WDR19: variants seen among roughly 807,000 people sequenced by gnomAD.
The protein encoded by WDR19 is WD repeat-containing protein 19.
WDR19 carries 121 observed loss-of-function variants against 180.0 expected under a neutral mutation model. The observed-to-expected ratio is 0.67, with a 90% confidence interval of 0.58 to 0.78. WDR19 has a LOEUF of 0.78. Among genes scored for constraint, WDR19 ranks in the 30% least tolerant of loss-of-function variants. The probability of loss-of-function intolerance (pLI) is 0.00; values close to 1 mark genes in which losing one functional copy is unlikely to be tolerated. For missense variants in WDR19, 1,450 were observed against 1,640.7 expected, an observed-to-expected ratio of 0.88 and a Z score of 2.01; for synonymous variants, 497 against 540.7, an observed-to-expected ratio of 0.92 and a Z score of 1.12.
chr4:39,195,387 C>CAAAAAAAAAA (rs11372483), intron 5 of WDR19, among the ~76,000 whole-genome samples: 55 of 141,846 alleles, frequency 3.9e-4, no homozygotes, highest in South Asian at 1.1e-3. Context: ...AACAAAAAAA[C>CAAAAAAAAAA]AAACAAACAA....
chr4:39,250,979 G>T (rs2109429431), intron 24 of WDR19, among the ~76,000 whole-genome samples: 1 of 152,246 alleles, frequency 6.6e-6, no homozygotes, highest in Middle Eastern at 3.4e-3. Flanking sequence ...AGCTACCAAT[G>T]ACTTTCTTCA....
intron 9 of WDR19, among the ~76,000 whole-genome samples, chr4:39,206,337 A>G (rs1478439784): frequency 6.6e-6 from 1 of 152,160 alleles, no homozygotes; most frequent in Non-Finnish European, 1.5e-5. Flanking sequence ...CAGTCTCCCC[A>G]TGGCAGTGGC....
chr4:39,255,286 C>T (rs764478176), intron 26 of WDR19, among the ~76,000 whole-genome samples: 1 of 152,182 alleles, frequency 6.6e-6, no homozygotes, highest in Non-Finnish European at 1.5e-5. Context: ...CTTTTCCCCA[C>T]TTTGCTTTAT....
rs1330435692 is a variant in WDR19, at chr4:39,278,536, C to T, written c.3918-3C>T. The stretch of plus-strand genomic sequence containing the variant: ...TTACTCTGCCTTTCCCTCCCCTAAA[C>T]AGCATGCTAAACACTGAAAGCACAT... On this transcript the variant is annotated splice_region_variant and splice_polypyrimidine_tract_variant and intron_variant, in intron 35 of 36. Coordinates refer to ENST00000399820, the MANE Select transcript of WDR19 (RefSeq NM_025132.4). 6.2e-7 allele frequency: 1 copy of T among 1,607,656 alleles called. No homozygotes were observed. Among genetic ancestry groups the T allele is most frequent in the South Asian group, 1.1e-5 (1 of 90,184 alleles).
chr4:39,253,302 T>C lies in WDR19; in HGVS notation c.2876+10T>C, dbSNP rs773692164. ...CCAAAATGGTAGCCAGGTAACATAA[T>C]ACATTAATATTTTTGGACTTTCAAA... On this transcript the variant is annotated intron_variant, in intron 25 of 36. Coordinates refer to ENST00000399820, the MANE Select transcript of WDR19 (RefSeq NM_025132.4). 2.4e-5 allele frequency: 38 copies of C among 1,603,450 alleles called. 1 individual carries two copies. The South Asian group carries it at 2.7e-4, about 12-fold the overall frequency.
intron 13 of WDR19, 109 bp from the exon 14 acceptor site, chr4:39,217,874 C>T (rs1729231862): frequency 7.1e-7 from 1 of 1,401,300 alleles, no homozygotes; most frequent in South Asian, 1.4e-5. Context: ...CTCTCGTAGT[C>T]TTGGGAGCCT....
intron 9 of WDR19, among the ~76,000 whole-genome samples, chr4:39,212,190 C>T (rs1728615769): frequency 6.6e-6 from 1 of 152,078 alleles, no homozygotes. Flanking sequence ...CAAATATGCA[C>T]AGTTGGTTTT....
intron 17 of WDR19, among the ~76,000 whole-genome samples, chr4:39,229,740 C>T (rs990158555): frequency 6.6e-6 from 1 of 152,116 alleles, no homozygotes; most frequent in African/African-American, 2.4e-5. Context: ...CCATATGAAG[C>T]TGACTCTAAA....
intron 1 of WDR19, among the ~76,000 whole-genome samples, chr4:39,184,689 A>G (rs1725330741): frequency 6.6e-6 from 1 of 152,142 alleles, no homozygotes; most frequent in Non-Finnish European, 1.5e-5. Flanking sequence ...GCGGTGTTTA[A>G]TTTTGAGCAT....
chr4:39,256,930 A>G (rs1022429046), intron 27 of WDR19, among the ~76,000 whole-genome samples: 1 of 152,038 alleles, frequency 6.6e-6, no homozygotes, highest in African/African-American at 2.4e-5. Context: ...CAGAGCACCT[A>G]TTAAAAAAAA....
chr4:39,195,316 G>A (rs1475172080), intron 5 of WDR19, among the ~76,000 whole-genome samples: 1 of 147,102 alleles, frequency 6.8e-6, no homozygotes, highest in Non-Finnish European at 1.5e-5. Flanking sequence ...GCAGTGAGCA[G>A]AGATCGCGCC....
intron 24 of WDR19, among the ~76,000 whole-genome samples, chr4:39,248,279 A>C (rs1732753057): frequency 6.6e-6 from 1 of 152,184 alleles, no homozygotes; most frequent in Admixed American, 6.5e-5. Context: ...GAGAAATAAA[A>C]TACTTTACAG....
chr4:39,251,342 C>A (rs1262315628), intron 24 of WDR19, among the ~76,000 whole-genome samples: 1 of 152,182 alleles, frequency 6.6e-6, no homozygotes, highest in Non-Finnish European at 1.5e-5. Flanking sequence ...TCCCCTTACA[C>A]CTTATACAAA....
intron 6 of WDR19, 119 bp downstream of exon 6, chr4:39,199,712 G>C (rs992733490): frequency 1.1e-5 from 8 of 718,908 alleles, no homozygotes; most frequent in Non-Finnish European, 1.8e-5. Context: ...ATATATGTGT[G>C]TGTGTGTATA....
chr4:39,239,159 G>A (rs1363669447), intron 20 of WDR19, among the ~76,000 whole-genome samples: 2 of 151,980 alleles, frequency 1.3e-5, no homozygotes, highest in Non-Finnish European at 2.9e-5. Flanking sequence ...TGTATTTTTA[G>A]TAGAGAGAGG....
chr4:39,186,986 C>T (rs1448760121), intron 3 of WDR19, among the ~76,000 whole-genome samples: 1 of 152,196 alleles, frequency 6.6e-6, no homozygotes, highest in Admixed American at 6.5e-5. Context: ...TGACTTTCCA[C>T]ATAACTTTGT....
chr4:39,243,409 C>T (rs1474947938), intron 21 of WDR19, among the ~76,000 whole-genome samples: 1 of 152,022 alleles, frequency 6.6e-6, no homozygotes, highest in South Asian at 2.1e-4. Context: ...TGAAGTTGAG[C>T]GTGTTTTTAT....
At position 39,203,116 on chromosome 4, in the gene WDR19, T is replaced by C. The variant is rs532005475; in HGVS notation, c.523-526T>C. ...TTTTCCTTTTTCTTTTTCTTTCTTT[T>C]TTTTTTTTTTTTTGAGACAGGGTCT... On this transcript the variant is annotated intron_variant, in intron 6 of 36. Transcript: ENST00000399820. 6.7e-5 allele frequency among the ~76,000 whole-genome samples: 10 copies of C among 149,712 alleles called. No homozygotes were observed. In the East Asian group the frequency reaches 9.7e-4, roughly 14 times the overall value.
Position 39,205,206 on chromosome 4 carries a change from C to T in WDR19, c.656C>T (p.Pro219Leu), listed in dbSNP as rs1394186805. The T allele has an allele frequency of 6.2e-7, 1 of 1,602,628 alleles. No individual in the cohort carries two copies. The highest frequency in any genetic ancestry group is 1.7e-5 in the Admixed American group (1 of 58,448). ...TTGTTTTTTTTAAATCTGAATGAAC[C>T]AGATAACCCAGCTGATCTTGAATTT... is the stretch of plus-strand genomic sequence containing the variant. ...KTLFFLNLNE[P>L]DNPADLEFQQ... The change falls in exon 8 of 37, where the codon CCA becomes CTA. Residue 219 changes from proline to leucine, a missense_variant. Transcript: ENST00000399820.
Sources: gnomAD v4.1 joint callset for allele counts (sites outside exome capture counted in the v4.1 genomes callset) on GRCh38, gnomAD v4.1.1 for gene constraint, MANE v1.5 for transcripts, NCBI Gene and HGNC (gene_info 2026-07-23, HGNC 2026-07-21) for gene names.